Variants in SYT12 observed in about 807,000 individuals in gnomAD.
SYT12 encodes synaptotagmin 12.
Under a neutral mutation model 39.5 loss-of-function variants are expected in SYT12, and 27 were observed. That is an observed-to-expected ratio of 0.68 (90% CI 0.50 to 0.94). The LOEUF (loss-of-function observed/expected upper bound fraction) is 0.94, where lower values mean the gene tolerates loss of function less well. SYT12 is among the 40% of genes least tolerant of loss of function. SYT12 has a pLI of 0.00. For synonymous variants in SYT12, 233 were observed against 239.7 expected (o/e 0.97, Z 0.26); for missense variants, 536 against 572.6 (o/e 0.94, Z 0.65).
intron 1 of SYT12, among the ~76,000 whole-genome samples, chr11:67,009,021 G>C (rs752127776): frequency 3.4e-4 from 51 of 151,628 alleles, no homozygotes; most frequent in Admixed American, 6.6e-4. Context: ...GGCTTTTGTT[G>C]TTGTTTTGAG....
rs372377405 is a variant in SYT12 at position 67,048,005 on chromosome 11, A to G, written c.1093-579A>G. On this transcript the variant is annotated intron_variant, in intron 7 of 7. Coordinates refer to ENST00000527043, the MANE Select transcript of SYT12 (RefSeq NM_177963.4). Reference sequence around the variant, plus strand: ...ACGGGGTTTCACCATGTTAGCCAGGATGGTCTCGACCTCCTGACCTCATGA... The same window carrying G: ...ACGGGGTTTCACCATGTTAGCCAGGGTGGTCTCGACCTCCTGACCTCATGA... Among the ~76,000 whole-genome samples, 75 of 146,566 alleles carry G rather than the reference A, an allele frequency of 5.1e-4. No individual in the cohort carries two copies. In the East Asian group the frequency reaches 0.015, roughly 30 times the overall value.
chr11:67,031,276 A>G (rs1439738159), intron 2 of SYT12: 1 of 152,036 alleles, frequency 6.6e-6, no homozygotes, highest in Non-Finnish European at 1.5e-5. Context: ...TGCAAACGCC[A>G]CTCTTCCAGT....
chr11:67,044,700 CAAGACCACAGCGGGT>C lies in SYT12; in HGVS notation c.949_958+5del. On this transcript the variant is annotated splice_donor_variant and coding_sequence_variant, in exon 6 of 8. Coordinates refer to ENST00000527043, the MANE Select transcript of SYT12 (RefSeq NM_177963.4). LOFTEE classifies it high-confidence loss of function. The stretch of plus-strand genomic sequence containing the variant: ...CCAAGAACCTCATCTGGACCAACGA[CAAGACCACAGCGGGT>C]AAGGCCCAGCCGGCAGCCCGGCTCC... The C allele has an allele frequency of 6.2e-7, 1 of 1,613,718 alleles. No individual in the cohort carries two copies.
intron 7 of SYT12, 59 bp from the exon 8 acceptor site, chr11:67,048,525 G>A (rs1854637954): frequency 1.3e-6 from 2 of 1,560,708 alleles, no homozygotes; most frequent in Non-Finnish European, 1.7e-6. Flanking sequence ...TGAACCCAGA[G>A]GCCAAGAAGT....
intron 7 of SYT12, among the ~76,000 whole-genome samples, chr11:67,047,096 C>T (rs1446884931): frequency 6.6e-6 from 1 of 151,906 alleles, no homozygotes; most frequent in Non-Finnish European, 1.5e-5. Flanking sequence ...TCCTGAGTAG[C>T]TGGGATTACA....
At chr11:67,018,984 G>A (rs78039669), upstream of SYT12, among the ~76,000 whole-genome samples, 1 of 152,182 alleles carries the variant, frequency 6.6e-6, no homozygotes. Flanking sequence ...TGTTCCAACT[G>A]TATTCATCGA....
intron 3 of SYT12, among the ~76,000 whole-genome samples, chr11:67,017,382 C>T (rs1264779033): frequency 6.2e-5 from 9 of 145,330 alleles, no homozygotes; most frequent in East Asian, 6.1e-4. Flanking sequence ...TTTTTTGAGA[C>T]GGAGTCTTGC....
chr11:67,050,628 G>A lies in SYT12; in HGVS notation c.*1871G>A, dbSNP rs1029385460. 5 of 152,514 alleles carry A rather than the reference G, an allele frequency of 3.3e-5. No homozygotes were observed. Among genetic ancestry groups the A allele is most frequent in the East Asian group, 1.9e-4 (1 of 5,200 alleles). 9.4% of individuals were successfully genotyped at this position (152,514 alleles called of 1,614,324 possible). A position where few individuals can be genotyped will look rare whatever the true frequency, so the allele number is the denominator to read the frequency against. ...AAGGCTTTGCAGCCTGGGAGACCCC[G>A]ACTTTCTCTAACCCAGTGGCTGTGC... On this transcript the variant is annotated 3_prime_UTR_variant, in exon 8 of 8. Coordinates refer to ENST00000527043, the MANE Select transcript of SYT12 (RefSeq NM_177963.4).
At chr11:67,044,396 G>A (rs1369791920) in intron 5 of SYT12, among the ~76,000 whole-genome samples, 197 bp from the exon 6 acceptor site, 2 of 152,272 alleles carry the variant, frequency 1.3e-5, no homozygotes, top group African/African-American at 4.8e-5. Context: ...CATGCTCCAT[G>A]CAGTGGCGGG....
intron 3 of SYT12, among the ~76,000 whole-genome samples, chr11:67,011,670 G>C (rs1393656349): frequency 6.6e-6 from 1 of 152,198 alleles, no homozygotes; most frequent in African/African-American, 2.4e-5. Flanking sequence ...TATCTGCCCA[G>C]TTTCCTCTGC....
rs1276764859 is a variant in SYT12, at chr11:67,015,973, TATC to T, written c.-69+4982_-69+4984del. Among the ~76,000 whole-genome samples, 6 of 151,976 alleles carry T rather than the reference TATC, an allele frequency of 3.9e-5. No individual in the cohort carries two copies. In the South Asian group the frequency reaches 6.2e-4, roughly 16 times the overall value. ...CCAGTGGGCTCATGCTAGAGAAAAA[TATC>T]ATACACGAAAAGATGATGGGAGGGC... On this transcript the variant is annotated intron_variant, in intron 3 of 10. Transcript: ENST00000393946.
chr11:67,034,934 C>T, intron 3 of SYT12, 96 bp downstream of exon 3: 1 of 948,604 alleles, frequency 1.1e-6, no homozygotes, highest in Non-Finnish European at 1.5e-6. Context: ...TCCGTCACCA[C>T]CTCCTCCTGG....
chr11:67,035,695 G>T (rs1950349402), intron 3 of SYT12, among the ~76,000 whole-genome samples: 1 of 151,580 alleles, frequency 6.6e-6, no homozygotes, highest in African/African-American at 2.4e-5. Flanking sequence ...CTGACCTCGT[G>T]ATCCGCCCGC....
At chr11:67,010,211 AAGAC>A (rs1187702040) in intron 2 of SYT12, 1 of 152,286 alleles carries the variant, frequency 6.6e-6, no homozygotes, top group Admixed American at 6.5e-5. Flanking sequence ...AGGCTAGAAA[AAGAC>A]AGAACTGAGT....
In SYT12 at chr11:67,032,037, G is replaced by A. The variant is rs959976306; in HGVS notation, c.34+1859G>A. 3 of 152,332 alleles carry A rather than the reference G, an allele frequency of 2.0e-5. No homozygotes were observed. The East Asian group carries it at 5.8e-4, about 29-fold the overall frequency. The allele number at this position is 152,332 out of a possible 1,614,324, so 9.4% of individuals were successfully genotyped here. A position where few individuals can be genotyped will look rare whatever the true frequency, so the allele number is the denominator to read the frequency against. On this transcript the variant is annotated intron_variant, in intron 2 of 7. Coordinates refer to ENST00000527043, the MANE Select transcript of SYT12 (RefSeq NM_177963.4). ...GTCAACAGCGGCAGGAGGAAGGAGG[G>A]TTTCTTCACAGCCCTTCCACCGTCG...
upstream of SYT12, among the ~76,000 whole-genome samples, chr11:67,021,069 T>A (rs1472530235): frequency 6.6e-6 from 1 of 152,202 alleles, no homozygotes; most frequent in Non-Finnish European, 1.5e-5. Flanking sequence ...GCTTCTCTTC[T>A]TAGTGGCACA....
intron 3 of SYT12, among the ~76,000 whole-genome samples, chr11:67,017,519 C>T (rs1950067753): frequency 6.6e-6 from 1 of 151,918 alleles, no homozygotes; most frequent in East Asian, 2.0e-4. Context: ...GCCACCACGC[C>T]CGGCTAATTT....
At chr11:67,011,617 C>T (rs1424855675) in intron 3 of SYT12, among the ~76,000 whole-genome samples, 1 of 152,170 alleles carries the variant, frequency 6.6e-6, no homozygotes, top group Non-Finnish European at 1.5e-5. Context: ...CACACTGGGT[C>T]TGAGGCAGTA....
chr11:67,027,256 T>G (rs906060035), intron 1 of SYT12: 1 of 152,304 alleles, frequency 6.6e-6, no homozygotes, highest in African/African-American at 2.4e-5. Flanking sequence ...ATCCTAGCAC[T>G]TTGGGAGGCC....
Sources: gnomAD v4.1 joint callset for allele counts (sites outside exome capture counted in the v4.1 genomes callset) on GRCh38, gnomAD v4.1.1 for gene constraint, MANE v1.5 for transcripts, NCBI Gene and HGNC (gene_info 2026-07-23, HGNC 2026-07-21) for gene names.